SPATA17: variants seen among roughly 807,000 people sequenced by gnomAD.
SPATA17 encodes spermatogenesis-associated protein 17.
In SPATA17, 53 loss-of-function variants were observed where a neutral mutation model predicts 62.2. The observed-to-expected ratio is 0.85, with a 90% CI of 0.68 to 1.07. The LOEUF is 1.07. SPATA17 is among the 50% of genes least tolerant of loss of function. The pLI, the probability that SPATA17 is intolerant of heterozygous loss-of-function variation, is 0.00. For missense variants in SPATA17, 466 were observed against 425.5 expected (o/e 1.10, Z -0.84); for synonymous variants, 146 against 146.8 (o/e 0.99, Z 0.04).
chr1:217,711,937 G>A (rs1224118814), intron 5 of SPATA17, among the ~76,000 whole-genome samples: 3 of 152,126 alleles, frequency 2.0e-5, no homozygotes, highest in African/African-American at 7.2e-5. Flanking sequence ...GGCTGGAAGG[G>A]ACTTGAGGTA....
chr1:217,721,838 T>C (rs1239782336), intron 5 of SPATA17, among the ~76,000 whole-genome samples: 2 of 152,186 alleles, frequency 1.3e-5, no homozygotes, highest in African/African-American at 4.8e-5. Flanking sequence ...AATGATATTC[T>C]CCCAGCAACC....
chr1:217,666,305 C>T (rs2102894783), intron 3 of SPATA17, among the ~76,000 whole-genome samples: 1 of 152,066 alleles, frequency 6.6e-6, no homozygotes, highest in East Asian at 1.9e-4. Context: ...ATGAAAAAAA[C>T]AAAACTTTTA....
intron 9 of SPATA17, among the ~76,000 whole-genome samples, chr1:217,856,888 A>G (rs1402416574): frequency 2.6e-5 from 4 of 152,190 alleles, no homozygotes. Flanking sequence ...ACCTGCCTGT[A>G]AACTCTCATT....
At chr1:217,803,129 G>T (rs992112179) in intron 9 of SPATA17, among the ~76,000 whole-genome samples, 3 of 152,070 alleles carry the variant, frequency 2.0e-5, no homozygotes, top group Non-Finnish European at 2.9e-5. Context: ...AGCCACGATG[G>T]TCTCCTTCTC....
intron 9 of SPATA17, among the ~76,000 whole-genome samples, chr1:217,812,284 A>G (rs1485298103): frequency 3.3e-5 from 5 of 152,178 alleles, no homozygotes; most frequent in African/African-American, 9.7e-5. Context: ...TTCATATTAA[A>G]TCAATTTAAT....
intron 6 of SPATA17, among the ~76,000 whole-genome samples, chr1:217,767,672 T>C (rs1164873922): frequency 6.6e-6 from 1 of 152,228 alleles, no homozygotes; most frequent in African/African-American, 2.4e-5. Context: ...AAAGCCATTC[T>C]TCATTTCTGC....
At position 217,631,346 on chromosome 1, in the gene SPATA17, T is replaced by C. The variant is rs1489086568; in HGVS notation, c.-33T>C. ...GCCCAGTTACCATGGAGACCGGTAG[T>C]AACACCAGTTGTAAACCCAAGGCCA... On this transcript the variant is annotated 5_prime_UTR_variant, in exon 1 of 11. Transcript: ENST00000366933. 6.2e-7 allele frequency: 1 copy of C among 1,613,518 alleles called. No individual in the cohort carries two copies. Among genetic ancestry groups the C allele is most frequent in the Middle Eastern group, 1.7e-4 (1 of 6,060 alleles).
chr1:217,666,319 C>T (rs1215988474), intron 3 of SPATA17, among the ~76,000 whole-genome samples: 2 of 152,044 alleles, frequency 1.3e-5, no homozygotes, highest in South Asian at 2.1e-4. Flanking sequence ...ACTTTTAAGT[C>T]AGAATTCTAG....
chr1:217,661,546 G>A (rs138447789), intron 3 of SPATA17, among the ~76,000 whole-genome samples: 12 of 152,200 alleles, frequency 7.9e-5, no homozygotes, highest in African/African-American at 2.6e-4. Flanking sequence ...AGCTATTCCA[G>A]TCTTGTTTTG....
chr1:217,631,427 C>A lies in SPATA17; in HGVS notation c.49C>A (p.Gln17Lys), dbSNP rs1669766958. The A allele has an allele frequency of 6.2e-7, 1 of 1,614,042 alleles. No homozygotes were observed. The highest frequency in any genetic ancestry group is 1.7e-5 in the Admixed American group (1 of 60,000). ...LQARSSTVGN[Q>K]YYFRNSVVDP... ...AGCTAGGTCGTCGACTGTAGGAAAT[C>A]AGTACTACTTTAGGAACAGGTAAGT... The change falls in exon 1 of 11, where the codon CAG (glutamine) becomes AAG (lysine). Residue 17 changes from glutamine (Q) to lysine (K), a missense_variant. Coordinates refer to ENST00000366933, the MANE Select transcript of SPATA17 (RefSeq NM_138796.4).
chr1:217,749,707 C>T (rs1672854033), intron 6 of SPATA17, among the ~76,000 whole-genome samples: 1 of 151,444 alleles, frequency 6.6e-6, no homozygotes, highest in South Asian at 2.1e-4. Context: ...ATATATTTAC[C>T]ACCATCAGAT....
intron 1 of SPATA17, among the ~76,000 whole-genome samples, chr1:217,633,012 A>G (rs1351084454): frequency 6.6e-6 from 1 of 152,120 alleles, no homozygotes; most frequent in Non-Finnish European, 1.5e-5. Flanking sequence ...AGACTGGCCA[A>G]CATGGCAAAA....
intron 8 of SPATA17, among the ~76,000 whole-genome samples, chr1:217,786,747 C>CTTTT (rs1412929259): frequency 6.7e-6 from 1 of 149,052 alleles, no homozygotes; most frequent in Non-Finnish European, 1.5e-5. Flanking sequence ...ATTTGATATT[C>CTTTT]TCTTTCTTCT....
chr1:217,771,522 A>G (rs1673444529), intron 6 of SPATA17, among the ~76,000 whole-genome samples: 1 of 152,182 alleles, frequency 6.6e-6, no homozygotes, highest in Admixed American at 6.5e-5. Flanking sequence ...AAGAAATAAT[A>G]AGTAAATGAA....
In SPATA17 at chr1:217,868,328, C is replaced by T. The variant is rs1676059131; in HGVS notation, c.*1309C>T. On this transcript the variant is annotated 3_prime_UTR_variant, in exon 11 of 11. Transcript: ENST00000366933. ...AAAGTCAAAGAAGTGAGTTAAAATA[C>T]ATATACTCCTCCTCTTATAATCGGT... 1 of 152,132 alleles carries T rather than the reference C, an allele frequency of 6.6e-6. No homozygotes were observed. Among genetic ancestry groups the T allele is most frequent in the South Asian group, 2.1e-4 (1 of 4,826 alleles). The allele number at this position is 152,132 out of a possible 1,614,324, so 9.4% of individuals were successfully genotyped here.
rs1676105620 is a variant in SPATA17 at position 217,870,343 on chromosome 1, A to T, written c.*3324A>T. 1 of 152,180 alleles carries T rather than the reference A, an allele frequency of 6.6e-6. No homozygotes were observed. Among genetic ancestry groups the T allele is most frequent in the South Asian group, 2.1e-4 (1 of 4,826 alleles). 9.4% of individuals were successfully genotyped at this position (152,180 alleles called of 1,614,324 possible). On this transcript the variant is annotated 3_prime_UTR_variant, in exon 11 of 11. Coordinates refer to ENST00000366933, the MANE Select transcript of SPATA17 (RefSeq NM_138796.4). ...AGGCTCTTTATCGCTAGTGTATGTAAGTAATATCATTGTCCTTAACCACCA... is the reference window on the plus strand; with the variant it reads ...AGGCTCTTTATCGCTAGTGTATGTATGTAATATCATTGTCCTTAACCACCA...
At chr1:217,795,197 T>C (rs1310454319) in intron 8 of SPATA17, among the ~76,000 whole-genome samples, 1 of 152,052 alleles carries the variant, frequency 6.6e-6, no homozygotes, top group African/African-American at 2.4e-5. Context: ...GGCTTCTCAG[T>C]CTTAAATATA....
chr1:217,752,856 G>A (rs1271288403), intron 6 of SPATA17, among the ~76,000 whole-genome samples: 1 of 151,106 alleles, frequency 6.6e-6, no homozygotes, highest in Non-Finnish European at 1.5e-5. Context: ...CATTCACAGT[G>A]CCTCCTATCT....
intron 5 of SPATA17, among the ~76,000 whole-genome samples, chr1:217,711,883 T>C (rs1671872775): frequency 6.6e-6 from 1 of 152,142 alleles, no homozygotes; most frequent in Admixed American, 6.6e-5. Context: ...CCTGTTGCCT[T>C]GACAGAATGG....
Sources: allele counts gnomAD v4.1 joint callset (sites outside exome capture counted in the v4.1 genomes callset), GRCh38; gene constraint gnomAD v4.1.1; transcripts MANE v1.5; gene names NCBI Gene and HGNC (gene_info 2026-07-23, HGNC 2026-07-21).